The following SLC44A5 variants were observed in gnomAD, a reference collection of about 807,000 sequenced individuals.
The protein encoded by SLC44A5 is solute carrier family 44 member 5.
SLC44A5 carries 57 observed loss-of-function variants against 101.8 expected under a neutral mutation model. The ratio of observed to expected loss-of-function variants is 0.56; its 90% CI spans 0.45 to 0.70. The LOEUF is 0.70. Ranked by LOEUF, SLC44A5 falls within the 30% of genes least tolerant of loss-of-function variation. The pLI is 0.00. For synonymous variants in SLC44A5, 281 were observed against 290.9 expected (o/e 0.97, Z 0.35); for missense variants, 737 against 853.1 (o/e 0.86, Z 1.70).
chr1:75,372,817 T>G (rs887816895), intron 3 of SLC44A5, among the ~76,000 whole-genome samples: 10 of 152,212 alleles, frequency 6.6e-5, no homozygotes, highest in Admixed American at 1.3e-4. Context: ...TTTAATGAAA[T>G]AGCTTTGGTT....
Position 75,296,322 on chromosome 1 carries a change from T to C in SLC44A5, c.175+4290A>G, listed in dbSNP as rs150932131. Reference sequence around the variant, plus strand: ...AAAAATGACAAAGAATTTGCAGCCATGTATTAAGGCTACCATTGTCCACCC... The same window carrying C: ...AAAAATGACAAAGAATTTGCAGCCACGTATTAAGGCTACCATTGTCCACCC... On this transcript the variant is annotated intron_variant, in intron 5 of 23. Transcript: ENST00000370859. 1.9e-3 allele frequency among the ~76,000 whole-genome samples: 291 copies of C among 152,092 alleles called. 1 individual carries two copies. Among genetic ancestry groups the C allele is most frequent in the African/African-American group, 6.6e-3 (272 of 41,510 alleles).
At chr1:75,647,776 CT>C in the SLC44A5 span, among the ~76,000 whole-genome samples, 1 of 152,148 alleles carries the variant, frequency 6.6e-6, no homozygotes, top group African/African-American at 2.4e-5. Context: ...CAATTTCTCC[CT>C]TTTGGAATGG....
rs10526449 is a variant in SLC44A5, at chr1:75,564,603, T to TTTTA, written c.-69-23091_-69-23088dup. Among the ~76,000 whole-genome samples, 140 of 138,072 alleles carry TTTTA rather than the reference T, an allele frequency of 1.0e-3. 1 individual carries two copies. The highest frequency in any genetic ancestry group is 2.3e-3 in the African/African-American group (85 of 37,094). 90.6% of individuals were successfully genotyped at this position (138,072 alleles called of 152,430 possible). A position where few individuals can be genotyped will look rare whatever the true frequency, so the allele number is the denominator to read the frequency against. On this transcript the variant is annotated intron_variant, in intron 1 of 23. Coordinates refer to ENST00000370859, the MANE Select transcript of SLC44A5 (RefSeq NM_001130058.2). ...TTTATTTATTTACTTTTTTTTTAAT[T>TTTTA]TTTATTTATTTATTTATTTATTTAT...
chr1:75,659,489 G>GAGGGAAGGAAGGAAGGAAGA, the SLC44A5 span, among the ~76,000 whole-genome samples: 1 of 61,416 alleles, frequency 1.6e-5, no homozygotes, highest in Non-Finnish European at 3.5e-5. Flanking sequence ...AGGAAGGAAG[G>GAGGGAAGGAAGGAAGGAAGA]AAGGCAGGCA....
chr1:75,613,592 T>C (rs1298323751), upstream of SLC44A5, among the ~76,000 whole-genome samples: 5 of 152,230 alleles, frequency 3.3e-5, no homozygotes, highest in Non-Finnish European at 7.3e-5. Context: ...TCAACACAAG[T>C]TGATAGGAGC....
chr1:75,230,367 C>T (rs1431429757), intron 12 of SLC44A5, among the ~76,000 whole-genome samples: 1 of 151,556 alleles, frequency 6.6e-6, no homozygotes, highest in Non-Finnish European at 1.5e-5. Context: ...CGTGCCTCAG[C>T]CTCCCGAGTA....
At chr1:75,593,679 T>A (rs1431736340) in intron 1 of SLC44A5, among the ~76,000 whole-genome samples, 3 of 152,096 alleles carry the variant, frequency 2.0e-5, no homozygotes, top group South Asian at 2.1e-4. Flanking sequence ...GATCCTGTCA[T>A]TTGCAACAAT....
the SLC44A5 span, among the ~76,000 whole-genome samples, chr1:75,709,717 C>G: frequency 1.3e-5 from 2 of 152,164 alleles, no homozygotes; most frequent in Non-Finnish European, 2.9e-5. Context: ...TATCTTTTAT[C>G]AGTCTTGCTA....
the SLC44A5 span, among the ~76,000 whole-genome samples, chr1:75,686,990 C>T: frequency 1.3e-5 from 2 of 152,112 alleles, no homozygotes; most frequent in Non-Finnish European, 2.9e-5. Flanking sequence ...CTTTTTGACA[C>T]AAGAATAATA....
intron 3 of SLC44A5, among the ~76,000 whole-genome samples, chr1:75,364,958 CTT>C (rs1205425802): frequency 6.6e-6 from 1 of 151,912 alleles, no homozygotes; most frequent in African/African-American, 2.4e-5. Flanking sequence ...TTTTGTCAAA[CTT>C]ATTTTGTTCA....
chr1:75,697,491 A>G, the SLC44A5 span, among the ~76,000 whole-genome samples: 2 of 152,216 alleles, frequency 1.3e-5, no homozygotes, highest in African/African-American at 4.8e-5. Flanking sequence ...TTAATGCAAG[A>G]AAATAGAAAA....
chr1:75,370,392 A>G (rs1660148679), intron 3 of SLC44A5, among the ~76,000 whole-genome samples: 1 of 152,228 alleles, frequency 6.6e-6, no homozygotes. Context: ...CTACTGAGAC[A>G]GACTCAGCCT....
At chr1:75,665,002 G>T in the SLC44A5 span, among the ~76,000 whole-genome samples, 2 of 150,890 alleles carry the variant, frequency 1.3e-5, no homozygotes, top group East Asian at 3.9e-4. Flanking sequence ...TAGATGGGAA[G>T]AATCAATATT....
chr1:75,360,815 T>C (rs1040687921), intron 3 of SLC44A5, among the ~76,000 whole-genome samples: 5 of 152,210 alleles, frequency 3.3e-5, no homozygotes, highest in African/African-American at 9.6e-5. Flanking sequence ...TTCCATAAAA[T>C]TTAACAATTG....
At chr1:75,351,446 G>C (rs928192004) in intron 3 of SLC44A5, among the ~76,000 whole-genome samples, 2 of 151,836 alleles carry the variant, frequency 1.3e-5, no homozygotes, top group Admixed American at 6.6e-5. Context: ...GAAGTGAAAG[G>C]GTAAAATTAT....
chr1:75,241,007 T>A (rs553181350), intron 9 of SLC44A5, among the ~76,000 whole-genome samples: 3 of 152,034 alleles, frequency 2.0e-5, no homozygotes, highest in African/African-American at 7.2e-5. Flanking sequence ...AACATATACA[T>A]GCATGTTATT....
chr1:75,325,178 C>T (rs1175136918), intron 4 of SLC44A5, among the ~76,000 whole-genome samples: 1 of 152,088 alleles, frequency 6.6e-6, no homozygotes, highest in Non-Finnish European at 1.5e-5. Context: ...GTAACTGAGG[C>T]TGAGTTGAAG....
chr1:75,442,012 T>C (rs1665235882), intron 2 of SLC44A5, among the ~76,000 whole-genome samples: 2 of 152,156 alleles, frequency 1.3e-5, no homozygotes. Context: ...GAATGATCAT[T>C]TAACTAATTT....
At chr1:75,500,288 T>C (rs1999493) in intron 2 of SLC44A5, among the ~76,000 whole-genome samples, 20,694 of 152,230 alleles carry the variant, frequency 0.14, 1,546 homozygotes, top group African/African-American at 0.16. Flanking sequence ...AAATCTAAAA[T>C]ATGTGTCACT....
Sources: allele counts gnomAD v4.1 joint callset (sites outside exome capture counted in the v4.1 genomes callset), GRCh38; gene constraint gnomAD v4.1.1; transcripts MANE v1.5; gene names NCBI Gene and HGNC (gene_info 2026-07-23, HGNC 2026-07-21).